SV2C: variants seen among roughly 807,000 people sequenced by gnomAD.
SV2C encodes solute carrier family 22 member B3.
A neutral mutation model predicts 79.7 loss-of-function variants in SV2C; 49 were observed. That is an observed-to-expected ratio of 0.61 (90% confidence interval 0.49 to 0.78). The LOEUF (loss-of-function observed/expected upper bound fraction) is 0.78, where lower values mean the gene tolerates loss of function less well. SV2C is among the 30% of genes least tolerant of loss of function. SV2C has a pLI of 0.00. For missense variants in SV2C, 833 were observed against 912.9 expected, an observed-to-expected ratio of 0.91 and a Z score of 1.13; for synonymous variants, 334 against 333.2, an observed-to-expected ratio of 1.00 and a Z score of -0.03.
At chr5:76,033,250 A>C in the SV2C span, among the ~76,000 whole-genome samples, 1 of 151,690 alleles carries the variant, frequency 6.6e-6, no homozygotes, top group African/African-American at 2.4e-5. Flanking sequence ...TCTTTAGTTT[A>C]ATTAGATCCC....
the SV2C span, among the ~76,000 whole-genome samples, chr5:76,074,478 G>A: frequency 6.6e-6 from 1 of 152,182 alleles, no homozygotes; most frequent in African/African-American, 2.4e-5. Context: ...GAGAGATTCA[G>A]TTATTGGCCT....
intron 3 of SV2C, among the ~76,000 whole-genome samples, chr5:76,209,452 C>T (rs190531855): frequency 9.7e-4 from 148 of 152,210 alleles, no homozygotes; most frequent in Middle Eastern, 3.4e-3. Flanking sequence ...GAAAAGCCAA[C>T]GGAATCTCAT....
intron 2 of SV2C, among the ~76,000 whole-genome samples, chr5:76,165,124 G>T (rs1743008758): frequency 6.6e-6 from 1 of 152,168 alleles, no homozygotes; most frequent in African/African-American, 2.4e-5. Context: ...GACTGTGTGT[G>T]TGTGTCTGTG....
At chr5:75,898,759 CTATTCAG>C in the SV2C span, among the ~76,000 whole-genome samples, 1 of 152,114 alleles carries the variant, frequency 6.6e-6, no homozygotes, top group Non-Finnish European at 1.5e-5. Context: ...TGTTATTGGT[CTATTCAG>C]AGATTCAACT....
At chr5:76,061,149 A>C in the SV2C span, among the ~76,000 whole-genome samples, 1 of 151,876 alleles carries the variant, frequency 6.6e-6, no homozygotes. Context: ...ATAATGAAAA[A>C]GTTTGAAATA....
intron 1 of SV2C, among the ~76,000 whole-genome samples, chr5:76,120,852 G>T (rs1048820413): frequency 2.0e-5 from 3 of 150,512 alleles, no homozygotes; most frequent in Non-Finnish European, 4.4e-5. Flanking sequence ...CTTTATAGCG[G>T]CATGATTTAT....
chr5:75,935,062 T>C, the SV2C span, among the ~76,000 whole-genome samples: 1 of 152,202 alleles, frequency 6.6e-6, no homozygotes, highest in African/African-American at 2.4e-5. Flanking sequence ...ATATATTTCC[T>C]ATATGGTTAC....
chr5:76,241,928 A>G (rs538736674), intron 4 of SV2C: 1 of 746,424 alleles, frequency 1.3e-6, no homozygotes, highest in African/African-American at 1.8e-5. Context: ...AAAATAAAAT[A>G]AAACAAAATT....
At chr5:76,012,131 G>A in the SV2C span, among the ~76,000 whole-genome samples, 1 of 152,210 alleles carries the variant, frequency 6.6e-6, no homozygotes, top group Non-Finnish European at 1.5e-5. Context: ...TCCAGTAACG[G>A]GATTGCTGGG....
chr5:75,975,249 T>TA, the SV2C span, among the ~76,000 whole-genome samples: 1 of 152,188 alleles, frequency 6.6e-6, no homozygotes, highest in Non-Finnish European at 1.5e-5. Context: ...GGAGTGCACC[T>TA]AGTGAAGCCC....
chr5:75,907,079 A>G, the SV2C span, among the ~76,000 whole-genome samples: 1 of 152,142 alleles, frequency 6.6e-6, no homozygotes, highest in Non-Finnish European at 1.5e-5. Context: ...CATGTGCCCA[A>G]CCTTTAGCCA....
At chr5:76,122,146 A>C (rs149983693) in intron 1 of SV2C, among the ~76,000 whole-genome samples, 1 of 148,694 alleles carries the variant, frequency 6.7e-6, no homozygotes, top group Non-Finnish European at 1.5e-5. Context: ...TGAATGGGAG[A>C]TCACTCATAA....
the SV2C span, among the ~76,000 whole-genome samples, chr5:76,063,725 C>T: frequency 1.2e-4 from 19 of 152,086 alleles, no homozygotes; most frequent in African/African-American, 4.6e-4. Context: ...TTTATAAGAA[C>T]CCTGAGAGAA....
chr5:76,286,399 C>A (rs1325055587), intron 6 of SV2C, among the ~76,000 whole-genome samples: 1 of 152,128 alleles, frequency 6.6e-6, no homozygotes. Context: ...GGTGTATACT[C>A]ATAGCAGCCC....
chr5:76,227,954 A>G (rs7448883), intron 4 of SV2C, among the ~76,000 whole-genome samples: 78,892 of 152,014 alleles, frequency 0.52, 21,253 homozygotes, highest in African/African-American at 0.66. Flanking sequence ...AGAATCGCAA[A>G]TAGTTCTCCC....
In SV2C at chr5:76,185,422, C is replaced by G. The variant is rs143615353; in HGVS notation, c.581-9497C>G. 4.6e-4 allele frequency among the ~76,000 whole-genome samples: 70 copies of G among 152,374 alleles called. No individual in the cohort carries two copies. The South Asian group carries it at 5.6e-3, about 12-fold the overall frequency. ...ATCCCACATTTTCCTTCCTTACTAC[C>G]TTAGCAGAGATTCTCCATGAGGGCT... On this transcript the variant is annotated intron_variant, in intron 2 of 12. Transcript: ENST00000502798.
chr5:75,898,950 C>G, the SV2C span, among the ~76,000 whole-genome samples: 1 of 151,984 alleles, frequency 6.6e-6, no homozygotes, highest in Middle Eastern at 3.2e-3. Context: ...CTTTTTGATT[C>G]TTCTTTCTTT....
At chr5:76,051,797 A>ATG in the SV2C span, among the ~76,000 whole-genome samples, 8 of 152,198 alleles carry the variant, frequency 5.3e-5, no homozygotes, top group Non-Finnish European at 1.2e-4. Flanking sequence ...TCCTTCTTTC[A>ATG]ATTGATCCAT....
chr5:75,970,320 G>A, the SV2C span, among the ~76,000 whole-genome samples: 6 of 151,992 alleles, frequency 3.9e-5, no homozygotes, highest in Non-Finnish European at 7.4e-5. Flanking sequence ...AAATAACTAA[G>A]ATCAGAGCAG....
Sources: allele counts gnomAD v4.1 joint callset (sites outside exome capture counted in the v4.1 genomes callset), GRCh38; gene constraint gnomAD v4.1.1; transcripts MANE v1.5; gene names NCBI Gene and HGNC (gene_info 2026-07-23, HGNC 2026-07-21).